RLIM: variants seen among roughly 807,000 people sequenced by gnomAD.
The protein encoded by RLIM is ring finger protein, LIM domain interacting, also known as E3 ubiquitin-protein ligase RLIM.
RLIM carries 2 observed loss-of-function variants against 34.0 expected under a neutral mutation model. That is an observed-to-expected ratio of 0.06 (90% confidence interval 0.02 to 0.19). The LOEUF is 0.19. Among genes scored for constraint, RLIM ranks in the 10% least tolerant of loss-of-function variants. The pLI, the probability that RLIM is intolerant of heterozygous loss-of-function variation, is 1.00. For missense variants in RLIM, 286 were observed against 479.7 expected, an observed-to-expected ratio of 0.60 and a Z score of 3.77; for synonymous variants, 169 against 164.0, an observed-to-expected ratio of 1.03 and a Z score of -0.23.
chrX:74,591,699 T>C lies in RLIM; in HGVS notation c.1616A>G (p.Glu539Gly). 8.3e-7 allele frequency: 1 copy of C among 1,211,856 alleles called. No homozygotes were observed. Among genetic ancestry groups the C allele is most frequent in the Non-Finnish European group, 1.1e-6 (1 of 895,529 alleles). ...LSLAQFFLLN[E>G]DDDDQPRGLT... ...TCCTCTAGGTTGGTCATCATCATCC[T>C]CATTTAAGAGGAAAAACTGAGCCAG... The change falls in exon 4 of 4, where the codon GAG (glutamate) becomes GGG (glycine). Residue 539 changes from glutamate to glycine, a missense_variant. By Grantham distance (98) the Glu-to-Gly change is moderately conservative. Coordinates refer to ENST00000332687, the MANE Select transcript of RLIM (RefSeq NM_016120.4).
Position 74,595,960 on chromosome X carries a change from G to A in RLIM, c.18C>T (p.Ser6=), listed in dbSNP as rs1283489738. ...ACTGATCACCACTTCCTTTGTCATTGGAATCTGAGTTTTCCATATTGATGA... is the reference window on the plus strand; with the variant it reads ...ACTGATCACCACTTCCTTTGTCATTAGAATCTGAGTTTTCCATATTGATGA... MENSD[S]NDKGSGDQSA... Residue 6 remains serine, a synonymous_variant, in exon 2 of 4, where the codon TCC becomes TCT. Coordinates refer to ENST00000332687, the MANE Select transcript of RLIM (RefSeq NM_016120.4). 3 of 1,183,910 alleles carry A rather than the reference G, an allele frequency of 2.5e-6. No homozygotes were observed. The highest frequency in any genetic ancestry group is 2.4e-5 in the Admixed American group (1 of 40,842).
chrX:74,593,198 T>C, intron 3 of RLIM, 137 bp from the exon 4 acceptor site: 1 of 626,034 alleles, frequency 1.6e-6, no homozygotes, highest in Non-Finnish European at 2.3e-6. Context: ...TTTTACAAAC[T>C]ATACTGCATA....
At chrX:74,606,011 T>C (rs1295077853) in intron 1 of RLIM, among the ~76,000 whole-genome samples, 1 of 112,074 alleles carries the variant, frequency 8.9e-6, no homozygotes, top group East Asian at 2.8e-4. Context: ...GACTCTATAC[T>C]TTAAAACACA....
At chrX:74,603,862 C>G (rs2079671430) in intron 1 of RLIM, among the ~76,000 whole-genome samples, 1 of 111,569 alleles carries the variant, frequency 9.0e-6, no homozygotes, top group Non-Finnish European at 1.9e-5. Context: ...GTAATCCCAG[C>G]ACTTTGGGAG....
intron 1 of RLIM, among the ~76,000 whole-genome samples, chrX:74,608,313 C>T (rs1175855438): frequency 9.1e-6 from 1 of 110,283 alleles, no homozygotes; most frequent in Non-Finnish European, 1.9e-5. Flanking sequence ...GGAAACAGCA[C>T]AAATAACTAG....
rs1211765697 is a variant in RLIM at position 74,584,540 on chromosome X, T to C, written c.*6900A>G. ...TAAAATGACCATTAAGAGTTCAGTTTATAATCCACCCAGATTTATCGAATC... is the reference window on the plus strand; with the variant it reads ...TAAAATGACCATTAAGAGTTCAGTTCATAATCCACCCAGATTTATCGAATC... On this transcript the variant is annotated 3_prime_UTR_variant, in exon 4 of 4. Transcript: ENST00000332687. 8.9e-6 allele frequency among the ~76,000 whole-genome samples: 1 copy of C among 111,970 alleles called. No individual in the cohort carries two copies. Among genetic ancestry groups the C allele is most frequent in the East Asian group, 2.8e-4 (1 of 3,586 alleles).
At position 74,589,097 on chromosome X, in the gene RLIM, C is replaced by T. The variant is rs2079601228; in HGVS notation, c.*2343G>A. 8.9e-6 allele frequency: 1 copy of T among 111,911 alleles called. No individual in the cohort carries two copies. The highest frequency in any genetic ancestry group is 1.9e-5 in the Non-Finnish European group (1 of 53,215). 9.2% of individuals were successfully genotyped at this position (111,911 alleles called of 1,213,427 possible). ...CTTCAATATCTACATTCATAGCCAG[C>T]ATTCTGCTTGAGTTACCTCTTACTT... On this transcript the variant is annotated 3_prime_UTR_variant, in exon 4 of 4. Transcript: ENST00000332687.
chrX:74,589,206 G>A lies in RLIM; in HGVS notation c.*2234C>T, dbSNP rs2079602178. ...TAACTTTCTCTTATGCTTAGAATGT[G>A]CTGCAATTGTTTTTAAACTATTTAA... is the stretch of plus-strand genomic sequence containing the variant. On this transcript the variant is annotated 3_prime_UTR_variant, in exon 4 of 4. Transcript: ENST00000332687. 2 of 111,343 alleles carry A rather than the reference G, an allele frequency of 1.8e-5. No homozygotes were observed. The highest frequency in any genetic ancestry group is 9.6e-5 in the Admixed American group (1 of 10,392). The allele number at this position is 111,343 out of a possible 1,213,427, so 9.2% of individuals were successfully genotyped here. A position where few individuals can be genotyped will look rare whatever the true frequency, so the allele number is the denominator to read the frequency against.
chrX:74,587,285 C>A lies in RLIM; in HGVS notation c.*4155G>T, dbSNP rs1161650534. On this transcript the variant is annotated 3_prime_UTR_variant, in exon 4 of 4. Transcript: ENST00000332687. ...TACTGAAGAATTAAAGGGAAAAAAA[C>A]ACACCTGACACTTTAACATGTGCCT... The A allele has an allele frequency of 9.1e-6, 1 of 110,227 alleles. No individual in the cohort carries two copies. The highest frequency in any genetic ancestry group is 2.9e-4 in the East Asian group (1 of 3,497). 9.1% of individuals were successfully genotyped at this position (110,227 alleles called of 1,213,427 possible). A position where few individuals can be genotyped will look rare whatever the true frequency, so the allele number is the denominator to read the frequency against.
rs1159496816 is a variant in RLIM at position 74,596,014 on chromosome X, A to G, written c.-23-14T>C. 1.9e-6 allele frequency: 2 copies of G among 1,043,910 alleles called. No homozygotes were observed. Among genetic ancestry groups the G allele is most frequent in the South Asian group, 4.9e-5 (2 of 40,662 alleles). 86.0% of individuals were successfully genotyped at this position (1,043,910 alleles called of 1,213,427 possible). A position where few individuals can be genotyped will look rare whatever the true frequency, so the allele number is the denominator to read the frequency against. Reference sequence around the variant, plus strand: ...AGTGGAAAATACCTGAAAAGAGAAAAGAGACTAATCTTGAAAATAAAGGTC... The same window carrying G: ...AGTGGAAAATACCTGAAAAGAGAAAGGAGACTAATCTTGAAAATAAAGGTC... On this transcript the variant is annotated splice_polypyrimidine_tract_variant and intron_variant, in intron 1 of 3. Transcript: ENST00000332687.
In RLIM at chrX:74,592,847, A is replaced by G. The variant is rs760130236; in HGVS notation, c.468T>C (p.Asn156=). The G allele has an allele frequency of 3.1e-5, 37 of 1,209,933 alleles. No individual in the cohort carries two copies. In the South Asian group the frequency reaches 6.5e-4, roughly 21 times the overall value. The part of the protein sequence containing the change: ...NNGSQNSENE[N]EPSARRSSGE... Reference sequence around the variant, plus strand: ...CACTAGAACGTCTTGCAGATGGCTCATTTTCATTCTCTGAATTTTGGCTCC... The same window carrying G: ...CACTAGAACGTCTTGCAGATGGCTCGTTTTCATTCTCTGAATTTTGGCTCC... The change falls in exon 4 of 4, where the codon AAT becomes AAC. Residue 156 remains asparagine (N), a synonymous_variant. Coordinates refer to ENST00000332687, the MANE Select transcript of RLIM (RefSeq NM_016120.4).
chrX:74,599,432 A>T (rs143966029), intron 1 of RLIM, among the ~76,000 whole-genome samples: 1 of 112,109 alleles, frequency 8.9e-6, no homozygotes, highest in African/African-American at 3.2e-5. Context: ...CACGAACACA[A>T]CTAAATTCCA....
At chrX:74,610,831 AGTGAGCCGAGAGT>A (rs2079707033) in intron 1 of RLIM, among the ~76,000 whole-genome samples, 2 of 110,522 alleles carry the variant, frequency 1.8e-5, no homozygotes, top group Non-Finnish European at 3.8e-5. Context: ...TGGAGGTTGC[AGTGAGCCGAGAGT>A]GCACCACTGC....
At position 74,590,744 on chromosome X, in the gene RLIM, C is replaced by T. The variant is rs2079609286; in HGVS notation, c.*696G>A. On this transcript the variant is annotated 3_prime_UTR_variant, in exon 4 of 4. Coordinates refer to ENST00000332687, the MANE Select transcript of RLIM (RefSeq NM_016120.4). ...AAAGTACTGAGCCTCTACAAAATAG[C>T]TTTACATTTTTAAACAAATGAATGT... is the stretch of plus-strand genomic sequence containing the variant. 8.9e-6 allele frequency: 1 copy of T among 112,814 alleles called. No homozygotes were observed. The highest frequency in any genetic ancestry group is 3.2e-5 in the African/African-American group (1 of 30,955). 9.3% of individuals were successfully genotyped at this position (112,814 alleles called of 1,213,427 possible).
Position 74,583,475 on chromosome X carries a change from G to A in RLIM, c.*7965C>T, listed in dbSNP as rs1338910120. The A allele has an allele frequency of 7.4e-6, 5 of 673,331 alleles. No individual in the cohort carries two copies. The highest frequency in any genetic ancestry group is 2.1e-5 in the African/African-American group (1 of 47,482). The allele number at this position is 673,331 out of a possible 1,213,427, so 55.5% of individuals were successfully genotyped here. A position where few individuals can be genotyped will look rare whatever the true frequency, so the allele number is the denominator to read the frequency against. On this transcript the variant is annotated 3_prime_UTR_variant, in exon 4 of 4. Coordinates refer to ENST00000332687, the MANE Select transcript of RLIM (RefSeq NM_016120.4). ...CCGCAGCATATTTATACTGTGGAACGGTGCGGACAGCAGGAGTAGCTGCAG... is the reference window on the plus strand; with the variant it reads ...CCGCAGCATATTTATACTGTGGAACAGTGCGGACAGCAGGAGTAGCTGCAG...
At chrX:74,608,866 C>T (rs1398851768) in intron 1 of RLIM, among the ~76,000 whole-genome samples, 1 of 112,384 alleles carries the variant, frequency 8.9e-6, no homozygotes, top group East Asian at 2.8e-4. Context: ...ACCATTATGA[C>T]ATTTCATCTC....
Position 74,584,248 on chromosome X carries a change from A to G in RLIM, c.*7192T>C, listed in dbSNP as rs1307396801. Among the ~76,000 whole-genome samples, 1 of 111,518 alleles carries G rather than the reference A, an allele frequency of 9.0e-6. No homozygotes were observed. The highest frequency in any genetic ancestry group is 2.8e-4 in the East Asian group (1 of 3,529). The stretch of plus-strand genomic sequence containing the variant: ...ATGACTGCATCAAAGATGATTGCAA[A>G]TAATCTGCTACTTACTATGTGACCT... On this transcript the variant is annotated 3_prime_UTR_variant, in exon 4 of 4. Transcript: ENST00000332687.
chrX:74,587,036 T>A lies in RLIM; in HGVS notation c.*4404A>T, dbSNP rs1419993695. ...AGGAAGTCAAGGCTGCAGTGAGCTGTGACCATGCCACTGCACTCCAGCCTG... is the reference window on the plus strand; with the variant it reads ...AGGAAGTCAAGGCTGCAGTGAGCTGAGACCATGCCACTGCACTCCAGCCTG... On this transcript the variant is annotated 3_prime_UTR_variant, in exon 4 of 4. Coordinates refer to ENST00000332687, the MANE Select transcript of RLIM (RefSeq NM_016120.4). The A allele has an allele frequency of 4.5e-5, 5 of 111,580 alleles. No individual in the cohort carries two copies. In the Admixed American group the frequency reaches 4.8e-4, roughly 11 times the overall value. The allele number at this position is 111,580 out of a possible 1,213,427, so 9.2% of individuals were successfully genotyped here.
At chrX:74,595,600 A>C (rs1456595327) in intron 2 of RLIM, among the ~76,000 whole-genome samples, 1 of 112,365 alleles carries the variant, frequency 8.9e-6, no homozygotes, top group African/African-American at 3.2e-5. Context: ...TTCATAATTC[A>C]TAAGTTAAAA....
Sources: gnomAD v4.1 joint callset for allele counts (sites outside exome capture counted in the v4.1 genomes callset) on GRCh38, gnomAD v4.1.1 for gene constraint, MANE v1.5 for transcripts, NCBI Gene and HGNC (gene_info 2026-07-23, HGNC 2026-07-21) for gene names.